Variants in TASP1 observed in about 807,000 individuals in gnomAD.
TASP1 encodes the protein taspase 1, also known as threonine aspartase 1.
A neutral mutation model predicts 56.6 loss-of-function variants in TASP1; 16 were observed. That is an observed-to-expected ratio of 0.28 (90% CI 0.19 to 0.43). The LOEUF (loss-of-function observed/expected upper bound fraction) is 0.43, where lower values mean the gene tolerates loss of function less well. TASP1 is among the 20% of genes least tolerant of loss of function. The pLI, the probability that TASP1 is intolerant of heterozygous loss-of-function variation, is 1.00. For synonymous variants in TASP1, 179 were observed against 184.2 expected, an observed-to-expected ratio of 0.97 and a Z score of 0.23; for missense variants, 393 against 511.6, an observed-to-expected ratio of 0.77 and a Z score of 2.24.
chr20:13,420,684 A>T (rs181292665), intron 12 of TASP1, among the ~76,000 whole-genome samples: 83 of 152,362 alleles, frequency 5.4e-4, no homozygotes, highest in African/African-American at 1.8e-3. Context: ...GACAAGGAGC[A>T]GCTAACACTT....
intron 12 of TASP1, among the ~76,000 whole-genome samples, chr20:13,429,670 C>T (rs981574051): frequency 6.6e-6 from 1 of 151,392 alleles, no homozygotes; most frequent in Non-Finnish European, 1.5e-5. Flanking sequence ...GTGTGTGCTG[C>T]CTGCTGAAAA....
chr20:13,282,184 A>T, the TASP1 span, among the ~76,000 whole-genome samples: 1 of 152,026 alleles, frequency 6.6e-6, no homozygotes, highest in Non-Finnish European at 1.5e-5. Flanking sequence ...TTCTCCCCAG[A>T]CCAGTTGAAT....
chr20:13,280,278 A>C, the TASP1 span, among the ~76,000 whole-genome samples: 10 of 152,014 alleles, frequency 6.6e-5, no homozygotes, highest in African/African-American at 2.4e-4. Context: ...GTGTAGTAAA[A>C]GAGATACGTA....
chr20:13,244,352 T>C, the TASP1 span: 3 of 145,270 alleles, frequency 2.1e-5, no homozygotes, highest in Admixed American at 1.4e-4. Flanking sequence ...AGCTGAAATA[T>C]GGAGGATTAC....
the TASP1 span, among the ~76,000 whole-genome samples, chr20:13,343,657 C>A: frequency 1.3e-5 from 2 of 151,118 alleles, no homozygotes; most frequent in African/African-American, 4.9e-5. Flanking sequence ...ATGGCCCACC[C>A]GTGTCCTGTG....
chr20:13,352,943 G>A, the TASP1 span, among the ~76,000 whole-genome samples: 1 of 152,088 alleles, frequency 6.6e-6, no homozygotes. Flanking sequence ...GTGATAAAAG[G>A]TGCCTTCCCT....
At chr20:13,292,534 C>A in the TASP1 span, 1 of 929,604 alleles carries the variant, frequency 1.1e-6, no homozygotes, top group Non-Finnish European at 1.7e-6. Context: ...TTTTGCAATG[C>A]CATCCTTGGA....
At chr20:13,603,632 C>G (rs1203324801) in intron 4 of TASP1, among the ~76,000 whole-genome samples, 1 of 152,192 alleles carries the variant, frequency 6.6e-6, no homozygotes, top group Non-Finnish European at 1.5e-5. Context: ...TAACGGACTT[C>G]TATCCAGAAT....
the TASP1 span, among the ~76,000 whole-genome samples, chr20:13,253,103 T>C: frequency 6.6e-6 from 1 of 152,324 alleles, no homozygotes; most frequent in African/African-American, 2.4e-5. Flanking sequence ...TGCTGCTCCA[T>C]TTGGGGTACT....
rs1375847114 is a variant in TASP1, at chr20:13,389,667, T to C, written c.*693A>G. On this transcript the variant is annotated 3_prime_UTR_variant, in exon 14 of 14. Transcript: ENST00000337743. ...CCATACAGCTCGAAGCTATGCAATATTTAAGCTTAGAAAAGCTTGATGAAA... is the reference window on the plus strand; with the variant it reads ...CCATACAGCTCGAAGCTATGCAATACTTAAGCTTAGAAAAGCTTGATGAAA... 3 of 152,772 alleles carry C rather than the reference T, an allele frequency of 2.0e-5. No individual in the cohort carries two copies. Among genetic ancestry groups the C allele is most frequent in the Admixed American group, 2.0e-4 (3 of 15,292 alleles). 9.5% of individuals were successfully genotyped at this position (152,772 alleles called of 1,614,324 possible). A position where few individuals can be genotyped will look rare whatever the true frequency, so the allele number is the denominator to read the frequency against.
chr20:13,301,866 G>T, the TASP1 span, among the ~76,000 whole-genome samples: 1 of 152,164 alleles, frequency 6.6e-6, no homozygotes, highest in African/African-American at 2.4e-5. Flanking sequence ...TGATGTGTTT[G>T]TTAAGTGTAA....
chr20:13,165,313 A>G, the TASP1 span: 1 of 157,516 alleles, frequency 6.3e-6, no homozygotes, highest in Non-Finnish European at 1.4e-5. Flanking sequence ...TGTTCCACTC[A>G]TAAAAGCATC....
At chr20:13,126,596 C>T in the TASP1 span, 16 of 1,613,284 alleles carry the variant, frequency 9.9e-6, no homozygotes, top group Middle Eastern at 1.6e-4. Flanking sequence ...TTAAGGACCT[C>T]GTGGATTATT....
At chr20:13,161,527 G>A in the TASP1 span, among the ~76,000 whole-genome samples, 5 of 152,124 alleles carry the variant, frequency 3.3e-5, no homozygotes, top group Admixed American at 6.5e-5. Flanking sequence ...TACAGGAATC[G>A]CAGGTGGGGA....
At chr20:13,442,048 T>C (rs771397467) in intron 11 of TASP1, among the ~76,000 whole-genome samples, 5 of 152,268 alleles carry the variant, frequency 3.3e-5, no homozygotes, top group African/African-American at 7.2e-5. Context: ...CTGTTTATTT[T>C]ACACATCATT....
chr20:13,349,244 G>A, the TASP1 span, among the ~76,000 whole-genome samples: 11 of 151,972 alleles, frequency 7.2e-5, no homozygotes, highest in South Asian at 1.2e-3. Context: ...GGAGGCCTCC[G>A]GACCACAGAG....
intron 10 of TASP1, among the ~76,000 whole-genome samples, chr20:13,504,048 G>A (rs1438068635): frequency 2.0e-5 from 3 of 151,970 alleles, no homozygotes; most frequent in East Asian, 1.9e-4. Context: ...TTTTTTAAGA[G>A]TTAAAAACTA....
chr20:13,628,484 T>G (rs1203662101), intron 2 of TASP1, among the ~76,000 whole-genome samples: 1 of 152,228 alleles, frequency 6.6e-6, no homozygotes, highest in Non-Finnish European at 1.5e-5. Context: ...CACCTCCTTG[T>G]AAAAGCACCT....
At chr20:13,283,610 G>C in the TASP1 span, among the ~76,000 whole-genome samples, 2 of 152,222 alleles carry the variant, frequency 1.3e-5, no homozygotes, top group Non-Finnish European at 2.9e-5. Context: ...CAGCTCAACT[G>C]TGGAAAGTAT....
Sources: allele counts gnomAD v4.1 joint callset (sites outside exome capture counted in the v4.1 genomes callset), GRCh38; gene constraint gnomAD v4.1.1; transcripts MANE v1.5; gene names NCBI Gene and HGNC (gene_info 2026-07-23, HGNC 2026-07-21).